Variants in CKAP2 observed in about 807,000 individuals in gnomAD.
The protein encoded by CKAP2 is cytoskeleton associated protein 2.
In CKAP2, 46 loss-of-function variants were observed where a neutral mutation model predicts 58.4. The ratio of observed to expected loss-of-function variants is 0.79; its 90% CI spans 0.62 to 1.01. CKAP2 has a LOEUF of 1.01. Ranked by LOEUF, CKAP2 falls within the 50% of genes least tolerant of loss-of-function variation. CKAP2 has a pLI of 0.00. For synonymous variants in CKAP2, 293 were observed against 280.9 expected, an observed-to-expected ratio of 1.04 and a Z score of -0.43; for missense variants, 809 against 796.4, an observed-to-expected ratio of 1.02 and a Z score of -0.19.
chr13:52,464,290 C>T (rs1351348982), intron 5 of CKAP2, among the ~76,000 whole-genome samples: 2 of 152,068 alleles, frequency 1.3e-5, no homozygotes, highest in Non-Finnish European at 2.9e-5. Flanking sequence ...GGGTGGCTCA[C>T]GCCTGTAATC....
At position 52,461,467 on chromosome 13, in the gene CKAP2, C is replaced by G. The variant is rs927421276; in HGVS notation, c.641C>G (p.Ala214Gly). The G allele has an allele frequency of 3.1e-6, 5 of 1,613,996 alleles. No individual in the cohort carries two copies. Among genetic ancestry groups the G allele is most frequent in the Non-Finnish European group, 4.2e-6 (5 of 1,180,032 alleles). The change falls in exon 4 of 9, where the codon GCC (alanine) becomes GGC (glycine). Residue 214 changes from alanine (A) to glycine (G), a missense_variant. This residue lies in a region of CKAP2 where 523 missense variants were observed against 492.4 expected (regional missense o/e 1.06). Coordinates refer to ENST00000258607, the MANE Select transcript of CKAP2 (RefSeq NM_018204.5). The stretch of plus-strand genomic sequence containing the variant: ...AAACTTTCAGCCACTATACCTAAAG[C>G]CACAAAACCTCAGCCTGTAAACACC... ...TKKLSATIPK[A>G]TKPQPVNTSS...
In CKAP2 at chr13:52,461,891, A is replaced by G. The variant is rs1400885136; in HGVS notation, c.1065A>G (p.Arg355=). 3 of 1,612,300 alleles carry G rather than the reference A, an allele frequency of 1.9e-6. No homozygotes were observed. Among genetic ancestry groups the G allele is most frequent in the Admixed American group, 3.4e-5 (2 of 59,666 alleles). ...HTAGKAIVDS[R]SAQPKETSEE... ...CAGGAAAAGCAATTGTTGATAGTAGATCAGCTCAGCCCAAAGAAACCTCGG... is the reference window on the plus strand; with the variant it reads ...CAGGAAAAGCAATTGTTGATAGTAGGTCAGCTCAGCCCAAAGAAACCTCGG... Residue 355 remains arginine, a synonymous_variant, in exon 4 of 9, where the codon AGA becomes AGG. Coordinates refer to ENST00000258607, the MANE Select transcript of CKAP2 (RefSeq NM_018204.5).
intron 6 of CKAP2, chr13:52,465,906 T>TATATGTATACACAC (rs1958661089): frequency 1.8e-5 from 5 of 278,020 alleles, no homozygotes; most frequent in South Asian, 1.6e-4. Context: ...CTCATATATG[T>TATATGTATACACAC]ATATATATAC....
chr13:52,464,553 CAAAAAAA>C (rs66481844), intron 5 of CKAP2, among the ~76,000 whole-genome samples: 1 of 80,130 alleles, frequency 1.2e-5, no homozygotes, highest in Non-Finnish European at 2.4e-5. Context: ...AACTCCGTCT[CAAAAAAA>C]AAAAAAAAAA....
intron 4 of CKAP2, 98 bp from the exon 5 acceptor site, chr13:52,462,260 TTAAAG>T: frequency 2.0e-6 from 2 of 998,960 alleles, no homozygotes; most frequent in Non-Finnish European, 2.9e-6. Flanking sequence ...ATATATGCCA[TTAAAG>T]TAAGATTACT....
intron 6 of CKAP2, among the ~76,000 whole-genome samples, chr13:52,467,263 A>C (rs1234638902): frequency 6.6e-6 from 1 of 152,138 alleles, no homozygotes; most frequent in Non-Finnish European, 1.5e-5. Context: ...TCACTTAGTA[A>C]TTTTTTGTAA....
chr13:52,455,888 G>A, intron 1 of CKAP2: 1 of 1,064,918 alleles, frequency 9.4e-7, no homozygotes, highest in Non-Finnish European at 1.2e-6. Flanking sequence ...TAGGCGAGGG[G>A]AAACGCGCGG....
Position 52,458,468 on chromosome 13 carries a change from A to G in CKAP2, c.155+1861A>G, listed in dbSNP as rs547718321. ...TGACTCTCAACCACTTATTTAAATAAAGAATCCAACAAGGTCAGGGGTTTA... is the reference window on the plus strand; with the variant it reads ...TGACTCTCAACCACTTATTTAAATAGAGAATCCAACAAGGTCAGGGGTTTA... On this transcript the variant is annotated intron_variant, in intron 2 of 8. Transcript: ENST00000258607. 9.2e-5 allele frequency among the ~76,000 whole-genome samples: 14 copies of G among 152,352 alleles called. No homozygotes were observed. In the South Asian group the frequency reaches 1.4e-3, roughly 16 times the overall value.
intron 7 of CKAP2, among the ~76,000 whole-genome samples, chr13:52,469,452 T>C (rs1194885755): frequency 6.6e-6 from 1 of 152,190 alleles, no homozygotes; most frequent in Non-Finnish European, 1.5e-5. Flanking sequence ...AGAGATTCAT[T>C]AGTTGCCAGT....
chr13:52,470,107 T>G (rs1958740845), intron 7 of CKAP2, among the ~76,000 whole-genome samples: 1 of 151,616 alleles, frequency 6.6e-6, no homozygotes, highest in Non-Finnish European at 1.5e-5. Flanking sequence ...AGTTTGAACT[T>G]TTTCTTTTTT....
rs202039890 is a variant in CKAP2 at position 52,464,248 on chromosome 13, CAAAAAA to C, written c.1306-1042_1306-1037del. Among the ~76,000 whole-genome samples, 2 of 149,562 alleles carry C rather than the reference CAAAAAA, an allele frequency of 1.3e-5. 1 individual carries two copies. The highest frequency in any genetic ancestry group is 4.9e-5 in the African/African-American group (2 of 40,856). ...CACAGATTAAGTTACCTAAAATACT[CAAAAAA>C]AAAATCCCATTCATCTGGTCAGGTG... is the stretch of plus-strand genomic sequence containing the variant. On this transcript the variant is annotated intron_variant, in intron 5 of 8. Coordinates refer to ENST00000258607, the MANE Select transcript of CKAP2 (RefSeq NM_018204.5).
chr13:52,458,574 A>G (rs887674486), intron 2 of CKAP2, among the ~76,000 whole-genome samples: 10 of 152,232 alleles, frequency 6.6e-5, no homozygotes, highest in African/African-American at 2.4e-4. Flanking sequence ...TTCAGAAAAC[A>G]GATGTTGGCT....
chr13:52,456,987 G>T (rs1958495358), intron 2 of CKAP2, among the ~76,000 whole-genome samples: 1 of 152,014 alleles, frequency 6.6e-6, no homozygotes, highest in South Asian at 2.1e-4. Context: ...CCACCTTCTG[G>T]GTTCAAGTGA....
In CKAP2 at chr13:52,455,560, A is replaced by T; in HGVS notation, c.4A>T (p.Ser2Cys). 5 of 1,612,892 alleles carry T rather than the reference A, an allele frequency of 3.1e-6. No individual in the cohort carries two copies. The highest frequency in any genetic ancestry group is 4.2e-6 in the Non-Finnish European group (5 of 1,179,808). ...CATCCCCCGACCCGAGGCTACGATG[A>T]GCACACCGGCCGTGCCCCAGGACCT... Reference protein sequence around the residue: MSTPAVPQDLQL... With the variant: MCTPAVPQDLQL... The change falls in exon 1 of 9, where the codon AGC (serine) becomes TGC (cysteine). Residue 2 changes from serine (S) to cysteine (C), a missense_variant. By Grantham distance (112) the Ser-to-Cys change is moderately radical. Around this residue, in one of 3 missense-constraint regions of CKAP2, gnomAD observed 523 missense variants for 492.4 expected, o/e 1.06. Transcript: ENST00000258607.
chr13:52,473,320 T>C (rs1958784665), intron 7 of CKAP2, among the ~76,000 whole-genome samples: 1 of 152,204 alleles, frequency 6.6e-6, no homozygotes, highest in Non-Finnish European at 1.5e-5. Flanking sequence ...CAAACTTCTT[T>C]CATATAAAGC....
chr13:52,472,362 T>A (rs1221791090), intron 7 of CKAP2, among the ~76,000 whole-genome samples: 1 of 152,238 alleles, frequency 6.6e-6, no homozygotes, highest in African/African-American at 2.4e-5. Context: ...ATTTGGCACT[T>A]AAATATTTGT....
At chr13:52,455,876 G>C (rs773439389) in intron 1 of CKAP2, 26 of 980,220 alleles carry the variant, frequency 2.7e-5, no homozygotes, top group Non-Finnish European at 3.3e-5. Flanking sequence ...GAAGGAATCC[G>C]TTAGGCGAGG....
intron 5 of CKAP2, 50 bp downstream of exon 5, chr13:52,462,617 A>T (rs547749349): frequency 2.1e-6 from 3 of 1,398,556 alleles, no homozygotes; most frequent in Admixed American, 4.0e-5. Context: ...AATTACCTTC[A>T]TAAGCATTAT....
At chr13:52,471,089 T>C (rs1423665575) in intron 7 of CKAP2, among the ~76,000 whole-genome samples, 1 of 151,770 alleles carries the variant, frequency 6.6e-6, no homozygotes, top group Admixed American at 6.6e-5. Flanking sequence ...ACCCGGGAAG[T>C]GGAGGTTGCA....
Sources: allele counts gnomAD v4.1 joint callset (sites outside exome capture counted in the v4.1 genomes callset), GRCh38; gene constraint gnomAD v4.1.1; regional missense constraint gnomAD v4.1.1; transcripts MANE v1.5; gene names NCBI Gene and HGNC (gene_info 2026-07-23, HGNC 2026-07-21).